Variants in SAMSN1 observed in about 807,000 individuals in gnomAD.
SAMSN1 encodes the protein SAM domain-containing protein SAMSN-1.
A neutral mutation model predicts 42.0 loss-of-function variants in SAMSN1; 31 were observed. The ratio of observed to expected loss-of-function variants is 0.74; its 90% CI spans 0.55 to 1.00. The LOEUF is 1.00. SAMSN1 is among the 50% of genes least tolerant of loss of function. The probability of loss-of-function intolerance (pLI) is 0.00; values close to 1 mark genes in which losing one functional copy is unlikely to be tolerated. For synonymous variants in SAMSN1, 178 were observed against 151.9 expected (o/e 1.17, Z -1.26); for missense variants, 464 against 439.4 (o/e 1.06, Z -0.50).
chr21:14,533,847 G>C lies in SAMSN1; in HGVS notation c.57+12358C>G, dbSNP rs553238179. On this transcript the variant is annotated intron_variant, in intron 1 of 7. Transcript: ENST00000400566. ...GTGGTCAAAGTAAAGTCAATTAAGT[G>C]GTATTAAGACTAGAGACATGAAGTT... Among the ~76,000 whole-genome samples, 28 of 152,256 alleles carry C rather than the reference G, an allele frequency of 1.8e-4. No individual in the cohort carries two copies. In the East Asian group the frequency reaches 5.2e-3, roughly 28 times the overall value.
chr21:14,619,817 G>A, intron 2 of SAMSN1: 1 of 185,742 alleles, frequency 5.4e-6, no homozygotes, highest in Non-Finnish European at 1.3e-5. Context: ...AAATATGATT[G>A]GAAGACAAAA....
chr21:14,569,390 C>A (rs1410528716), intron 2 of SAMSN1, among the ~76,000 whole-genome samples: 10 of 152,124 alleles, frequency 6.6e-5, no homozygotes, highest in Admixed American at 6.5e-4. Flanking sequence ...TTTTGGCCGA[C>A]TGCTGTTTTG....
At chr21:14,549,867 G>T (rs1980542114), upstream of SAMSN1, among the ~76,000 whole-genome samples, 1 of 152,114 alleles carries the variant, frequency 6.6e-6, no homozygotes, top group African/African-American at 2.4e-5. Flanking sequence ...CAAAGAAGTT[G>T]AGTGGGGATA....
intron 3 of SAMSN1, among the ~76,000 whole-genome samples, chr21:14,514,564 T>A (rs1987821832): frequency 6.6e-6 from 1 of 152,140 alleles, no homozygotes; most frequent in Non-Finnish European, 1.5e-5. Flanking sequence ...AATTAGGGAG[T>A]TTATATATAC....
chr21:14,573,836 T>C (rs907846060), intron 2 of SAMSN1, among the ~76,000 whole-genome samples: 2 of 152,206 alleles, frequency 1.3e-5, no homozygotes, highest in African/African-American at 4.8e-5. Context: ...ATGACAGAGC[T>C]AAGCTCATAG....
At chr21:14,596,521 G>A (rs962397080) in intron 6 of SAMSN1, among the ~76,000 whole-genome samples, 3 of 152,128 alleles carry the variant, frequency 2.0e-5, no homozygotes, top group Admixed American at 6.6e-5. Context: ...TTAGTGAGTT[G>A]CTTCTAACAA....
intron 7 of SAMSN1, among the ~76,000 whole-genome samples, chr21:14,492,692 A>C (rs1986743755): frequency 6.6e-6 from 1 of 152,234 alleles, no homozygotes; most frequent in Admixed American, 6.5e-5. Flanking sequence ...GAAAAGTGAG[A>C]ATCCTTATAC....
upstream of SAMSN1, among the ~76,000 whole-genome samples, chr21:14,547,348 A>T (rs1323792135): frequency 6.6e-6 from 1 of 152,078 alleles, no homozygotes; most frequent in Admixed American, 6.6e-5. Flanking sequence ...AACACCCAGA[A>T]CCTCTATTTA....
chr21:14,640,787 G>A (rs1438920405), intron 2 of SAMSN1, among the ~76,000 whole-genome samples: 4 of 151,950 alleles, frequency 2.6e-5, no homozygotes, highest in Non-Finnish European at 5.9e-5. Flanking sequence ...GAAATTGAGG[G>A]TTGAACTGAC....
At chr21:14,652,791 G>A (rs369732221) in intron 1 of SAMSN1, among the ~76,000 whole-genome samples, 7 of 151,940 alleles carry the variant, frequency 4.6e-5, no homozygotes, top group African/African-American at 1.2e-4. Context: ...TCCATCTGAC[G>A]TGGGATTAAT....
intron 2 of SAMSN1, among the ~76,000 whole-genome samples, chr21:14,558,360 C>CGCATGCT (rs1568807767): frequency 1.3e-5 from 2 of 151,828 alleles, no homozygotes; most frequent in East Asian, 3.9e-4. Flanking sequence ...TTTGGAAACA[C>CGCATGCT]GCATGCTACG....
intron 2 of SAMSN1, among the ~76,000 whole-genome samples, chr21:14,552,379 C>T (rs571073910): frequency 1.3e-5 from 2 of 151,990 alleles, no homozygotes; most frequent in African/African-American, 2.4e-5. Flanking sequence ...AATTCTCACC[C>T]GCAAGGTGGA....
Position 14,486,061 on chromosome 21 carries a change from AG to A in SAMSN1, c.972del (p.Ser325ProfsTer2). 2.5e-6 allele frequency: 4 copies of A among 1,613,746 alleles called. No individual in the cohort carries two copies. The highest frequency in any genetic ancestry group is 3.4e-6 in the Non-Finnish European group (4 of 1,179,780). On this transcript the variant is annotated frameshift_variant, in exon 8 of 8. Coordinates refer to ENST00000400566, the MANE Select transcript of SAMSN1 (RefSeq NM_022136.5). LOFTEE classifies it high-confidence loss of function. ...TCATCTAACTGTGACTTATTTAAGG[AG>A]ATGTCTGAGCTCAAGGATAGGGGCT... ...EPEPLSLSSD[I>X]SLNKSQLDDC...
At chr21:14,487,999 C>CT (rs904151712) in intron 7 of SAMSN1, among the ~76,000 whole-genome samples, 12 of 151,508 alleles carry the variant, frequency 7.9e-5, no homozygotes, top group African/African-American at 1.9e-4. Flanking sequence ...TTTCTAAGCC[C>CT]TTTTTTTTAA....
chr21:14,578,555 C>T (rs1176757267), intron 2 of SAMSN1, among the ~76,000 whole-genome samples: 3 of 151,772 alleles, frequency 2.0e-5, no homozygotes, highest in Non-Finnish European at 4.4e-5. Flanking sequence ...TGGTGGCGGG[C>T]ACCTGTAATC....
chr21:14,554,692 CTTTTTCTTTTTT>C (rs1222429388), intron 2 of SAMSN1, among the ~76,000 whole-genome samples: 3 of 121,294 alleles, frequency 2.5e-5, no homozygotes, highest in African/African-American at 9.7e-5. Context: ...CTTTTGTTTT[CTTTTTCTTTTTT>C]TTTTTTTTTT....
At chr21:14,642,252 C>T (rs764805048) in intron 2 of SAMSN1, among the ~76,000 whole-genome samples, 1 of 152,140 alleles carries the variant, frequency 6.6e-6, no homozygotes, top group Non-Finnish European at 1.5e-5. Flanking sequence ...GTTAGAATAG[C>T]CAGCACTGTT....
chr21:14,643,041 G>A, exon 2 of SAMSN1: 2 of 717,286 alleles, frequency 2.8e-6, no homozygotes, highest in Non-Finnish European at 5.2e-6. Flanking sequence ...TCTCTCCAAA[G>A]GGTGGGATAG....
At chr21:14,514,421 T>C (rs1329809665) in intron 3 of SAMSN1, among the ~76,000 whole-genome samples, 2 of 152,208 alleles carry the variant, frequency 1.3e-5, no homozygotes, top group Non-Finnish European at 2.9e-5. Context: ...GAGATATTTC[T>C]GGCTTTCATA....
Sources: gnomAD v4.1 joint callset for allele counts (sites outside exome capture counted in the v4.1 genomes callset) on GRCh38, gnomAD v4.1.1 for gene constraint, MANE v1.5 for transcripts, NCBI Gene and HGNC (gene_info 2026-07-23, HGNC 2026-07-21) for gene names.